The following TCP11L1 variants were observed in gnomAD, a reference collection of about 807,000 sequenced individuals.
TCP11L1 encodes the protein T-complex protein 11-like protein 1.
In TCP11L1, 28 loss-of-function variants were observed where a neutral mutation model predicts 48.9. The ratio of observed to expected loss-of-function variants is 0.57; its 90% CI spans 0.42 to 0.78. TCP11L1 has a LOEUF of 0.78. Among genes scored for constraint, TCP11L1 ranks in the 30% least tolerant of loss-of-function variants. The pLI is 0.00. For missense variants in TCP11L1, 505 were observed against 613.4 expected, an observed-to-expected ratio of 0.82 and a Z score of 1.87; for synonymous variants, 204 against 231.9, an observed-to-expected ratio of 0.88 and a Z score of 1.09.
intron 5 of TCP11L1, 55 bp from the exon 6 acceptor site, chr11:33,058,904 T>A: frequency 6.3e-7 from 1 of 1,593,826 alleles, no homozygotes; most frequent in African/African-American, 1.3e-5. Flanking sequence ...CCTCTTTTCC[T>A]TTAATGCTAT....
intron 2 of TCP11L1, among the ~76,000 whole-genome samples, chr11:33,046,867 C>T (rs944876132): frequency 3.3e-5 from 5 of 152,070 alleles, no homozygotes; most frequent in African/African-American, 4.8e-5. Context: ...CAAATTAAAA[C>T]GTAAGTAGCA....
chr11:33,071,120 G>T (rs1463797113), intron 9 of TCP11L1, among the ~76,000 whole-genome samples: 1 of 151,608 alleles, frequency 6.6e-6, no homozygotes, highest in Admixed American at 6.6e-5. Context: ...TTCAAGACCA[G>T]CCCGGGCAAC....
At chr11:33,043,996 A>G in intron 2 of TCP11L1, 60 bp downstream of exon 2, 2 of 1,501,232 alleles carry the variant, frequency 1.3e-6, no homozygotes, top group South Asian at 1.4e-5. Context: ...TGACGGTTTT[A>G]TGAGGCCTCC....
At chr11:33,064,946 G>T (rs1418438899) in intron 7 of TCP11L1, among the ~76,000 whole-genome samples, 1 of 152,146 alleles carries the variant, frequency 6.6e-6, no homozygotes, top group Non-Finnish European at 1.5e-5. Flanking sequence ...ACCCACCATC[G>T]CACCTGGCCT....
At chr11:33,062,908 G>C (rs917559995) in intron 7 of TCP11L1, among the ~76,000 whole-genome samples, 11 of 152,234 alleles carry the variant, frequency 7.2e-5, no homozygotes, top group South Asian at 4.2e-4. Context: ...TCATTGAATT[G>C]CTCAGGCTAG....
chr11:33,067,930 T>A (rs183407015), intron 8 of TCP11L1, among the ~76,000 whole-genome samples: 28 of 151,978 alleles, frequency 1.8e-4, no homozygotes, highest in Admixed American at 4.6e-4. Context: ...TTTTATATAT[T>A]TTTTTATTTT....
chr11:33,043,586 T>C (rs1853901531), intron 1 of TCP11L1, among the ~76,000 whole-genome samples, 164 bp from the exon 2 acceptor site: 1 of 152,246 alleles, frequency 6.6e-6, no homozygotes, highest in Admixed American at 6.5e-5. Context: ...TGTTTAGTCA[T>C]TGAAGTAGAA....
intron 2 of TCP11L1, among the ~76,000 whole-genome samples, chr11:33,052,439 C>G (rs1854187283): frequency 6.6e-6 from 1 of 151,114 alleles, no homozygotes; most frequent in African/African-American, 2.4e-5. Context: ...TTTTACCAGG[C>G]AGGATATGAC....
intron 2 of TCP11L1, among the ~76,000 whole-genome samples, chr11:33,048,179 T>C (rs1854054650): frequency 7.7e-6 from 1 of 129,976 alleles, no homozygotes; most frequent in African/African-American, 3.0e-5. Context: ...TACATGTATC[T>C]TTACATTTTT....
In TCP11L1 at chr11:33,057,127, AG is replaced by A. The variant is rs1400234829; in HGVS notation, c.310del (p.Val104Ter). 1 of 1,613,680 alleles carries A rather than the reference AG, an allele frequency of 6.2e-7. No individual in the cohort carries two copies. ...TTCACTGCCCCAGCTTGAAGAAGAG[AG>A]TAAAGGAGATTGTACATAAAGCGTT... ...ELPENSLKKR[V>X]KEIVHKAFWD... On this transcript the variant is annotated frameshift_variant, in exon 4 of 10. Coordinates refer to ENST00000334274, the MANE Select transcript of TCP11L1 (RefSeq NM_018393.4). LOFTEE classifies it high-confidence loss of function.
chr11:33,064,587 A>T (rs1216557576), intron 7 of TCP11L1, among the ~76,000 whole-genome samples: 1 of 152,148 alleles, frequency 6.6e-6, no homozygotes, highest in Non-Finnish European at 1.5e-5. Context: ...AGTCATGGGA[A>T]TGTGCTTGCT....
chr11:33,065,380 C>T (rs1012231562), intron 7 of TCP11L1, among the ~76,000 whole-genome samples: 14 of 152,196 alleles, frequency 9.2e-5, no homozygotes, highest in African/African-American at 3.1e-4. Context: ...TCTCCTGCCT[C>T]ATCCTCCCGA....
intron 2 of TCP11L1, among the ~76,000 whole-genome samples, chr11:33,052,340 A>G (rs1458436250): frequency 6.6e-6 from 1 of 152,180 alleles, no homozygotes; most frequent in African/African-American, 2.4e-5. Context: ...TTTATTCTGT[A>G]TTCTTATTCA....
chr11:33,072,954 C>G lies in TCP11L1; in HGVS notation c.*278C>G. ...CACTCAGCTGTTGTCTCCACTCCTC[C>G]CCCATCATGTCCTTCCAAGGAGGCT... On this transcript the variant is annotated 3_prime_UTR_variant, in exon 10 of 10. Transcript: ENST00000334274. 1 of 415,186 alleles carries G rather than the reference C, an allele frequency of 2.4e-6. No individual in the cohort carries two copies. Among genetic ancestry groups the G allele is most frequent in the Non-Finnish European group, 4.5e-6 (1 of 224,054 alleles). The allele number at this position is 415,186 out of a possible 1,614,324, so 25.7% of individuals were successfully genotyped here.
chr11:33,057,674 T>C (rs1290504949), intron 4 of TCP11L1, among the ~76,000 whole-genome samples: 1 of 152,254 alleles, frequency 6.6e-6, no homozygotes, highest in Non-Finnish European at 1.5e-5. Flanking sequence ...ATGCTTTTCT[T>C]TTTTCACCAT....
At chr11:33,068,319 C>T (rs1040583513) in intron 8 of TCP11L1, among the ~76,000 whole-genome samples, 1 of 151,826 alleles carries the variant, frequency 6.6e-6, no homozygotes, top group Non-Finnish European at 1.5e-5. Context: ...TCCCTCTTGT[C>T]CCACAGCTAC....
At chr11:33,045,094 C>T (rs372376999) in intron 2 of TCP11L1, among the ~76,000 whole-genome samples, 2 of 152,082 alleles carry the variant, frequency 1.3e-5, no homozygotes, top group East Asian at 3.9e-4. Context: ...GTGGCTCATA[C>T]CTGTAATACC....
chr11:33,072,958 A>C lies in TCP11L1; in HGVS notation c.*282A>C. 5.0e-6 allele frequency: 2 copies of C among 402,216 alleles called. No homozygotes were observed. 24.9% of individuals were successfully genotyped at this position (402,216 alleles called of 1,614,324 possible). A position where few individuals can be genotyped will look rare whatever the true frequency, so the allele number is the denominator to read the frequency against. Reference sequence around the variant, plus strand: ...CAGCTGTTGTCTCCACTCCTCCCCCATCATGTCCTTCCAAGGAGGCTGGGA... The same window carrying C: ...CAGCTGTTGTCTCCACTCCTCCCCCCTCATGTCCTTCCAAGGAGGCTGGGA... On this transcript the variant is annotated 3_prime_UTR_variant, in exon 10 of 10. Transcript: ENST00000334274.
intron 7 of TCP11L1, among the ~76,000 whole-genome samples, chr11:33,062,123 A>C (rs1854486028): frequency 1.3e-5 from 2 of 151,674 alleles, no homozygotes; most frequent in Non-Finnish European, 2.9e-5. Flanking sequence ...ATAAAAAATA[A>C]AAAGAATAGC....
Sources: allele counts gnomAD v4.1 joint callset (sites outside exome capture counted in the v4.1 genomes callset), GRCh38; gene constraint gnomAD v4.1.1; transcripts MANE v1.5; gene names NCBI Gene and HGNC (gene_info 2026-07-23, HGNC 2026-07-21).